TRABD2B: variants seen among roughly 807,000 people sequenced by gnomAD.
TRABD2B encodes metalloprotease TIKI2.
In TRABD2B, 14 loss-of-function variants were observed where a neutral mutation model predicts 40.1. That is an observed-to-expected ratio of 0.35 (90% CI 0.23 to 0.55). TRABD2B has a LOEUF of 0.55. Among genes scored for constraint, TRABD2B ranks in the 20% least tolerant of loss-of-function variants. The pLI, the probability that TRABD2B is intolerant of heterozygous loss-of-function variation, is 0.90. For synonymous variants in TRABD2B, 263 were observed against 277.0 expected, an observed-to-expected ratio of 0.95 and a Z score of 0.50; for missense variants, 541 against 648.6, an observed-to-expected ratio of 0.83 and a Z score of 1.80.
chr1:47,982,821 G>A lies in TRABD2B; in HGVS notation c.666+11213C>T, dbSNP rs544310808. ...TGCTTCCTTTCCACCTCATCTCCAG[G>A]GGCCCAAATCCTATCCCACCTGCAA... On this transcript the variant is annotated intron_variant, in intron 2 of 6. Transcript: ENST00000606738. 1.1e-4 allele frequency among the ~76,000 whole-genome samples: 17 copies of A among 152,120 alleles called. No homozygotes were observed. In the East Asian group the frequency reaches 2.7e-3, roughly 24 times the overall value.
chr1:47,976,971 C>T (rs1300227795), intron 2 of TRABD2B, among the ~76,000 whole-genome samples: 1 of 152,148 alleles, frequency 6.6e-6, no homozygotes, highest in Non-Finnish European at 1.5e-5. Context: ...TGATAACAAT[C>T]CACTGATGTG....
chr1:47,830,589 G>A (rs1420611476), intron 2 of TRABD2B, among the ~76,000 whole-genome samples: 1 of 152,236 alleles, frequency 6.6e-6, no homozygotes, highest in Non-Finnish European at 1.5e-5. Flanking sequence ...TGTAAGAGTG[G>A]TGAAAGGAGG....
At chr1:47,898,203 G>A (rs1398171891) in intron 2 of TRABD2B, among the ~76,000 whole-genome samples, 2 of 152,208 alleles carry the variant, frequency 1.3e-5, no homozygotes, top group African/African-American at 4.8e-5. Context: ...CAGGGGCTAC[G>A]AAGGCTGGAA....
chr1:47,887,454 T>C (rs1187196733), intron 2 of TRABD2B, among the ~76,000 whole-genome samples: 1 of 152,124 alleles, frequency 6.6e-6, no homozygotes, highest in Non-Finnish European at 1.5e-5. Flanking sequence ...CATGACTCAA[T>C]TTCCCCTAAG....
chr1:47,821,373 A>C (rs1645106690), intron 2 of TRABD2B, among the ~76,000 whole-genome samples: 2 of 152,228 alleles, frequency 1.3e-5, no homozygotes, highest in Non-Finnish European at 2.9e-5. Context: ...CATCTGAAAA[A>C]ATGGATATAA....
Position 47,781,074 on chromosome 1 carries a change from C to T in TRABD2B, c.989-2530G>A, listed in dbSNP as rs188331480. On this transcript the variant is annotated intron_variant, in intron 4 of 6. Coordinates refer to ENST00000606738, the MANE Select transcript of TRABD2B (RefSeq NM_001194986.2). ...TGAGTGATGGGCTGGAGACAGTCCC[C>T]GGCAGGGCGGGGTCATCCCCACTCT... 3.1e-4 allele frequency among the ~76,000 whole-genome samples: 47 copies of T among 152,324 alleles called. No homozygotes were observed. In the East Asian group the frequency reaches 7.0e-3, roughly 23 times the overall value.
At chr1:47,931,110 C>T (rs1396375705) in intron 2 of TRABD2B, among the ~76,000 whole-genome samples, 3 of 152,178 alleles carry the variant, frequency 2.0e-5, no homozygotes, top group Non-Finnish European at 4.4e-5. Context: ...GTTCCTGGCA[C>T]ATAGAAGAGA....
At chr1:47,931,771 G>A (rs1645043336) in intron 2 of TRABD2B, among the ~76,000 whole-genome samples, 1 of 152,124 alleles carries the variant, frequency 6.6e-6, no homozygotes, top group Admixed American at 6.5e-5. Flanking sequence ...GCTGCTCCCT[G>A]TCCAAGTCCT....
chr1:47,954,390 G>A (rs1645388788), intron 2 of TRABD2B, among the ~76,000 whole-genome samples: 1 of 152,152 alleles, frequency 6.6e-6, no homozygotes, highest in South Asian at 2.1e-4. Context: ...ACAGTATCAA[G>A]TACTAGCCAG....
rs1233116880 is a variant in TRABD2B, at chr1:47,887,892, G to C, written c.667-86273C>G. ...TCATTAGGATCTCTCTGACAACCCTGAGGATTTACAACGTGAAATGTTTCC... is the reference window on the plus strand; with the variant it reads ...TCATTAGGATCTCTCTGACAACCCTCAGGATTTACAACGTGAAATGTTTCC... On this transcript the variant is annotated intron_variant, in intron 2 of 6. Transcript: ENST00000606738. Among the ~76,000 whole-genome samples the C allele has an allele frequency of 5.3e-5, 8 of 152,292 alleles. No homozygotes were observed. In the East Asian group the frequency reaches 1.5e-3, roughly 29 times the overall value.
chr1:47,896,809 G>A (rs1227611718), intron 2 of TRABD2B, among the ~76,000 whole-genome samples: 1 of 152,204 alleles, frequency 6.6e-6, no homozygotes, highest in Admixed American at 6.5e-5. Flanking sequence ...CATCTGAAAA[G>A]TGGGAATCAT....
chr1:47,951,044 G>A lies in TRABD2B; in HGVS notation c.666+42990C>T, dbSNP rs544783568. Among the ~76,000 whole-genome samples the A allele has an allele frequency of 2.0e-5, 3 of 152,318 alleles. No homozygotes were observed. The East Asian group carries it at 5.8e-4, about 29-fold the overall frequency. Reference sequence around the variant, plus strand: ...AACTAAATGTCCCAAACAGAGATCTGGAGGTCACAGGGGCATGGTGGTCCC... The same window carrying A: ...AACTAAATGTCCCAAACAGAGATCTAGAGGTCACAGGGGCATGGTGGTCCC... On this transcript the variant is annotated intron_variant, in intron 2 of 6. Coordinates refer to ENST00000606738, the MANE Select transcript of TRABD2B (RefSeq NM_001194986.2).
chr1:47,994,618 C>G lies in TRABD2B; in HGVS notation c.103-21G>C, dbSNP rs1402978483. On this transcript the variant is annotated intron_variant, in intron 1 of 6. Coordinates refer to ENST00000606738, the MANE Select transcript of TRABD2B (RefSeq NM_001194986.2). This position sits in a 1 kb window ranked among gnomAD's most constrained non-coding sequence, Gnocchi z 6.7. ...CTCTGCTGCAGGAGTAGAGAAGAGGCAAGGCAGTGAGGCCGAAGGCAACAG... is the reference window on the plus strand; with the variant it reads ...CTCTGCTGCAGGAGTAGAGAAGAGGGAAGGCAGTGAGGCCGAAGGCAACAG... 2.6e-6 allele frequency: 4 copies of G among 1,525,184 alleles called. No homozygotes were observed. The highest frequency in any genetic ancestry group is 2.6e-6 in the Non-Finnish European group (3 of 1,140,958). 94.5% of individuals were successfully genotyped at this position (1,525,184 alleles called of 1,614,324 possible).
intron 2 of TRABD2B, among the ~76,000 whole-genome samples, chr1:47,953,194 T>C (rs1645371133): frequency 6.6e-6 from 1 of 152,218 alleles, no homozygotes; most frequent in African/African-American, 2.4e-5. Context: ...GGCATGCAGG[T>C]ACTGCACTTG....
At chr1:47,910,430 T>C (rs1029940973) in intron 2 of TRABD2B, among the ~76,000 whole-genome samples, 10 of 152,158 alleles carry the variant, frequency 6.6e-5, no homozygotes, top group African/African-American at 2.4e-4. Context: ...TCCAGGATGG[T>C]CTGCTCATTA....
At chr1:47,869,342 A>G (rs1203233725) in intron 2 of TRABD2B, among the ~76,000 whole-genome samples, 1 of 152,180 alleles carries the variant, frequency 6.6e-6, no homozygotes, top group East Asian at 1.9e-4. Flanking sequence ...AAATAAAAAT[A>G]TTTTCTGATT....
At chr1:47,807,204 A>G (rs1644904549) in intron 2 of TRABD2B, among the ~76,000 whole-genome samples, 1 of 152,206 alleles carries the variant, frequency 6.6e-6, no homozygotes, top group Non-Finnish European at 1.5e-5. Context: ...GATTCCTCAC[A>G]CCTCTGAGTC....
At chr1:47,946,303 G>A (rs1645259366) in intron 2 of TRABD2B, among the ~76,000 whole-genome samples, 1 of 152,106 alleles carries the variant, frequency 6.6e-6, no homozygotes, top group Non-Finnish European at 1.5e-5. Flanking sequence ...TATCAGATAT[G>A]TAATTTGCTT....
chr1:47,767,753 C>T (rs545985178), intron 6 of TRABD2B, among the ~76,000 whole-genome samples: 16 of 152,344 alleles, frequency 1.1e-4, no homozygotes, highest in Non-Finnish European at 1.3e-4. Context: ...CTGCAGCATG[C>T]GTGCCTTCCT....
Sources: gnomAD v4.1 joint callset for allele counts (sites outside exome capture counted in the v4.1 genomes callset) on GRCh38, gnomAD v4.1.1 for gene constraint, Gnocchi (gnomAD v3.1) non-coding constraint, MANE v1.5 for transcripts, NCBI Gene and HGNC (gene_info 2026-07-23, HGNC 2026-07-21) for gene names.